The following OTUD6B variants were observed in gnomAD, a reference collection of about 807,000 sequenced individuals.
OTUD6B encodes the protein OTU deubiquitinase 6B, also known as deubiquitinase OTUD6B.
In OTUD6B, 41 loss-of-function variants were observed where a neutral mutation model predicts 36.9. The ratio of observed to expected loss-of-function variants is 1.11; its 90% confidence interval spans 0.87 to 1.44. The LOEUF is 1.44. OTUD6B is among the 40% of genes most tolerant of loss of function. The pLI, the probability that OTUD6B is intolerant of heterozygous loss-of-function variation, is 0.00. For missense variants in OTUD6B, 356 were observed against 344.8 expected (o/e 1.03, Z -0.26); for synonymous variants, 114 against 114.2 (o/e 1.00, Z 0.01).
intron 3 of OTUD6B, among the ~76,000 whole-genome samples, chr8:91,077,995 T>A (rs1812832868): frequency 6.6e-6 from 1 of 152,110 alleles, no homozygotes; most frequent in Non-Finnish European, 1.5e-5. Context: ...TAGCCTGGGC[T>A]TTAATATAAT....
chr8:91,085,548 ATTAGTTTT>A lies in OTUD6B; in HGVS notation c.*684_*691del. 1 of 152,138 alleles carries A rather than the reference ATTAGTTTT, an allele frequency of 6.6e-6. No individual in the cohort carries two copies. The highest frequency in any genetic ancestry group is 1.9e-4 in the East Asian group (1 of 5,186). The allele number at this position is 152,138 out of a possible 1,614,324, so 9.4% of individuals were successfully genotyped here. A position where few individuals can be genotyped will look rare whatever the true frequency, so the allele number is the denominator to read the frequency against. ...AATTTAAATCTCTAAAGAATTAGAG[ATTAGTTTT>A]TTATTTGTGTATAATTTAAAAAAGA... On this transcript the variant is annotated 3_prime_UTR_variant, in exon 7 of 7. Coordinates refer to ENST00000404789, the MANE Select transcript of OTUD6B (RefSeq NM_016023.5).
At chr8:91,071,387 G>C in intron 2 of OTUD6B, 98 bp downstream of exon 2, 1 of 994,226 alleles carries the variant, frequency 1.0e-6, no homozygotes, top group Non-Finnish European at 1.5e-6. Context: ...TTTTGAGACG[G>C]TGTCTCGCTT....
rs148822489 is a variant in OTUD6B at position 91,078,417 on chromosome 8, A to C, written c.377A>C (p.Asn126Thr). Residue 126 changes from asparagine (N) to threonine (T), a missense_variant, in exon 4 of 7, where the codon AAC (asparagine) becomes ACC (threonine). Physicochemically the swap from Asn to Thr is moderately conservative, Grantham distance 65 (BLOSUM62 0). Coordinates refer to ENST00000404789, the MANE Select transcript of OTUD6B (RefSeq NM_016023.5). Reference sequence around the variant, plus strand: ...CGGATAGCTGAAGCTGAAATTGAAAACTTAACAGGAGCCAGACATATGGAA... The same window carrying C: ...CGGATAGCTGAAGCTGAAATTGAAACCTTAACAGGAGCCAGACATATGGAA... ...EERIAEAEIENLTGARHMESE... is the reference protein window; with the variant it reads ...EERIAEAEIETLTGARHMESE... 4.7e-4 allele frequency: 744 copies of C among 1,596,900 alleles called. No homozygotes were observed. The highest frequency in any genetic ancestry group is 5.7e-4 in the Non-Finnish European group (673 of 1,170,958).
rs1168505310 is a variant in OTUD6B, at chr8:91,085,446, A to T, written c.*578A>T. ...AGCTTGCTTTAATAATTAATAATTT[A>T]AAAATATTTATTTAGATGGGATTCA... On this transcript the variant is annotated 3_prime_UTR_variant, in exon 7 of 7. Transcript: ENST00000404789. 6.6e-6 allele frequency: 1 copy of T among 151,964 alleles called. No individual in the cohort carries two copies. Among genetic ancestry groups the T allele is most frequent in the Non-Finnish European group, 1.5e-5 (1 of 67,940 alleles). 9.4% of individuals were successfully genotyped at this position (151,964 alleles called of 1,614,324 possible).
intron 3 of OTUD6B, among the ~76,000 whole-genome samples, chr8:91,077,437 C>T (rs1812822932): frequency 6.6e-6 from 1 of 152,026 alleles, no homozygotes; most frequent in South Asian, 2.1e-4. Context: ...GGCACTGTAG[C>T]TCTAGGAACT....
intron 1 of OTUD6B, 65 bp from the exon 2 acceptor site, chr8:91,071,073 G>C (rs922699314): frequency 6.3e-6 from 10 of 1,577,930 alleles, no homozygotes; most frequent in Non-Finnish European, 7.7e-6. Context: ...TCCCCTTATT[G>C]GTTCCTGTTT....
chr8:91,071,118 TG>T lies in OTUD6B; in HGVS notation c.83-19del. On this transcript the variant is annotated intron_variant, in intron 1 of 6. Transcript: ENST00000404789. Reference sequence around the variant, plus strand: ...TTTTACTCCTGCGTGTCTGACTTAATGATTTTAATGGCTTTTCAGCCAAAAT... The same window carrying T: ...TTTTACTCCTGCGTGTCTGACTTAATATTTTAATGGCTTTTCAGCCAAAAT... The T allele has an allele frequency of 6.2e-7, 1 of 1,611,240 alleles. No individual in the cohort carries two copies. Among genetic ancestry groups the T allele is most frequent in the Non-Finnish European group, 8.5e-7 (1 of 1,179,098 alleles).
chr8:91,075,601 T>C (rs1172764488), intron 3 of OTUD6B, among the ~76,000 whole-genome samples: 1 of 152,118 alleles, frequency 6.6e-6, no homozygotes, highest in Admixed American at 6.5e-5. Context: ...TTGTCAGTTA[T>C]ACTCTCAAAC....
chr8:91,077,135 A>G (rs1055354054), intron 3 of OTUD6B, among the ~76,000 whole-genome samples: 2 of 152,082 alleles, frequency 1.3e-5, no homozygotes, highest in African/African-American at 4.8e-5. Flanking sequence ...AAATTTATAT[A>G]ACTTAGTTTT....
intron 5 of OTUD6B, among the ~76,000 whole-genome samples, chr8:91,081,612 C>T (rs2130442558): frequency 6.8e-6 from 1 of 147,414 alleles, no homozygotes. Context: ...TTAAGTAAGG[C>T]AGAGAGTACC....
chr8:91,076,726 T>C, intron 3 of OTUD6B: 1 of 960,886 alleles, frequency 1.0e-6, no homozygotes, highest in South Asian at 1.4e-5. Context: ...TTAGATGATA[T>C]CTAAGGTGCT....
chr8:91,072,357 G>A (rs916692476), intron 2 of OTUD6B, among the ~76,000 whole-genome samples: 2 of 152,170 alleles, frequency 1.3e-5, no homozygotes, highest in Non-Finnish European at 2.9e-5. Flanking sequence ...ACTCCAGGAA[G>A]TGAATACTGA....
At chr8:91,070,491 T>C (rs1586201055) in intron 1 of OTUD6B, 25 bp downstream of exon 1, 2 of 1,552,582 alleles carry the variant, frequency 1.3e-6, no homozygotes, top group South Asian at 2.4e-5. Context: ...AGTGGGAATC[T>C]GGAAGCCGCC....
chr8:91,080,392 T>C (rs1391041333), intron 4 of OTUD6B: 3 of 185,368 alleles, frequency 1.6e-5, no homozygotes, highest in African/African-American at 7.2e-5. Flanking sequence ...TGGGGTAGAG[T>C]GAGGTAGGTT....
At chr8:91,078,980 A>G (rs888917299) in intron 4 of OTUD6B, 1 of 192,922 alleles carries the variant, frequency 5.2e-6, no homozygotes, top group African/African-American at 2.4e-5. Context: ...GTATTGAGGA[A>G]GGTAAGCTTC....
chr8:91,070,641 C>G (rs1257950365), intron 1 of OTUD6B, among the ~76,000 whole-genome samples, 175 bp downstream of exon 1: 1 of 152,050 alleles, frequency 6.6e-6, no homozygotes, highest in African/African-American at 2.4e-5. Context: ...ATTCCCCAAC[C>G]TTCAGAGGCT....
chr8:91,071,502 C>G (rs1243581287), intron 2 of OTUD6B, among the ~76,000 whole-genome samples: 1 of 152,076 alleles, frequency 6.6e-6, no homozygotes, highest in Non-Finnish European at 1.5e-5. Flanking sequence ...GCGCCCGCCA[C>G]TACGCCCGGC....
At chr8:91,070,993 C>G in intron 1 of OTUD6B, 145 bp from the exon 2 acceptor site, 4 of 1,361,020 alleles carry the variant, frequency 2.9e-6, no homozygotes, top group Non-Finnish European at 3.8e-6. Flanking sequence ...TCTTCTCTCT[C>G]TGTAGCTGCC....
At chr8:91,074,898 CG>C (rs140038684) in intron 3 of OTUD6B, among the ~76,000 whole-genome samples, 2,468 of 151,988 alleles carry the variant, frequency 0.016, 84 homozygotes, top group African/African-American at 0.056. Context: ...ATCTATAAAA[CG>C]GGGGCAAATT....
Sources: allele counts gnomAD v4.1 joint callset (sites outside exome capture counted in the v4.1 genomes callset), GRCh38; gene constraint gnomAD v4.1.1; transcripts MANE v1.5; gene names NCBI Gene and HGNC (gene_info 2026-07-23, HGNC 2026-07-21).